HPCAL1: variants seen among roughly 807,000 people sequenced by gnomAD.
HPCAL1 encodes the protein hippocalcin-like protein 1.
HPCAL1 carries 8 observed loss-of-function variants against 17.1 expected under a neutral mutation model. That is an observed-to-expected ratio of 0.47 (90% CI 0.27 to 0.84). HPCAL1 has a LOEUF of 0.84. HPCAL1 is among the 40% of genes least tolerant of loss of function. The pLI, the probability that HPCAL1 is intolerant of heterozygous loss-of-function variation, is 0.13. For missense variants in HPCAL1, 165 were observed against 271.1 expected, an observed-to-expected ratio of 0.61 and a Z score of 2.75; for synonymous variants, 112 against 111.4, an observed-to-expected ratio of 1.01 and a Z score of -0.03.
intron 1 of HPCAL1, among the ~76,000 whole-genome samples, chr2:10,385,090 T>C (rs10754956): frequency 0.54 from 80,152 of 148,724 alleles, 21,921 homozygotes; most frequent in Middle Eastern, 0.63. Context: ...AGAGCAAGAC[T>C]CCGTCTCAAA....
At chr2:10,368,219 G>A (rs375809604) in intron 1 of HPCAL1, among the ~76,000 whole-genome samples, 45 of 150,306 alleles carry the variant, frequency 3.0e-4, no homozygotes, top group East Asian at 2.9e-3. Flanking sequence ...AGGGGTGTGC[G>A]TGTGTACACA....
chr2:10,315,161 C>T (rs1861230), intron 1 of HPCAL1, among the ~76,000 whole-genome samples: 100,927 of 151,770 alleles, frequency 0.67, 34,235 homozygotes, highest in East Asian at 0.88. Context: ...GGCGTGGTGG[C>T]GGGTGCCTGT....
At chr2:10,361,716 ATTT>A (rs199534306) in intron 1 of HPCAL1, among the ~76,000 whole-genome samples, 2 of 142,618 alleles carry the variant, frequency 1.4e-5, no homozygotes, top group Non-Finnish European at 1.5e-5. Context: ...AACTTCTTAA[ATTT>A]TTTTTTTTTT....
At chr2:10,425,973 G>A (rs1671377502) in intron 4 of HPCAL1, 1 of 152,200 alleles carries the variant, frequency 6.6e-6, no homozygotes, top group African/African-American at 2.4e-5. Context: ...GGGCTATAGT[G>A]ACCACAGTGT....
rs1666763470 is a variant in HPCAL1, at chr2:10,365,080, C to T, written c.-110-31755C>T. ...TCAAAATCTCCCAGAGTTCCAGGTG[C>T]TTGGTGGAAGGGATTCATGTACCCC... is the stretch of plus-strand genomic sequence containing the variant. On this transcript the variant is annotated intron_variant, in intron 1 of 4. Transcript: ENST00000307845. The surrounding 1 kb of genome is among the most constrained non-coding windows in gnomAD (Gnocchi z 4.8). 6.6e-6 allele frequency among the ~76,000 whole-genome samples: 1 copy of T among 152,186 alleles called. No individual in the cohort carries two copies. Among genetic ancestry groups the T allele is most frequent in the South Asian group, 2.1e-4 (1 of 4,832 alleles).
chr2:10,379,680 G>A (rs1667820600), intron 1 of HPCAL1, among the ~76,000 whole-genome samples: 1 of 152,136 alleles, frequency 6.6e-6, no homozygotes, highest in South Asian at 2.1e-4. Context: ...TTGGCTAAGG[G>A]TGCAAAACTG....
rs1662900156 is a variant in HPCAL1, at chr2:10,310,694, C to G, written c.-111+7517C>G. Among the ~76,000 whole-genome samples the G allele has an allele frequency of 6.6e-6, 1 of 152,172 alleles. No individual in the cohort carries two copies. The highest frequency in any genetic ancestry group is 2.1e-4 in the South Asian group (1 of 4,832). ...AGGCCCGGAGCTGGTGGTCCCCTCC[C>G]TCTGTGAGTGTGTGCAGAGCATGGA... On this transcript the variant is annotated intron_variant, in intron 1 of 4. Coordinates refer to ENST00000307845, the MANE Select transcript of HPCAL1 (RefSeq NM_002149.4). This position sits in a 1 kb window ranked among gnomAD's most constrained non-coding sequence, Gnocchi z 4.5.
At chr2:10,413,464 C>T (rs1670473730) in intron 2 of HPCAL1, among the ~76,000 whole-genome samples, 1 of 152,260 alleles carries the variant, frequency 6.6e-6, no homozygotes, top group South Asian at 2.1e-4. Flanking sequence ...CACCTTGTGC[C>T]AGGCCCAGCT....
intron 1 of HPCAL1, among the ~76,000 whole-genome samples, chr2:10,380,394 C>T (rs6705540): frequency 0.31 from 46,905 of 151,872 alleles, 10,465 homozygotes; most frequent in African/African-American, 0.61. Context: ...GGTGGGTGTG[C>T]GCTGCTTGTG....
chr2:10,365,354 T>C lies in HPCAL1; in HGVS notation c.-110-31481T>C, dbSNP rs1160584099. Among the ~76,000 whole-genome samples the C allele has an allele frequency of 6.6e-6, 1 of 152,188 alleles. No individual in the cohort carries two copies. ...ATTGCAAGAGCGTGAGCCCCTCCTC[T>C]GGGGCATGTTCTTGGAAATAAATAC... On this transcript the variant is annotated intron_variant, in intron 1 of 4. Coordinates refer to ENST00000307845, the MANE Select transcript of HPCAL1 (RefSeq NM_002149.4). The surrounding 1 kb of genome is among the most constrained non-coding windows in gnomAD (Gnocchi z 4.8).
chr2:10,322,353 C>T (rs1663721149), intron 1 of HPCAL1, among the ~76,000 whole-genome samples: 1 of 152,152 alleles, frequency 6.6e-6, no homozygotes, highest in South Asian at 2.1e-4. Context: ...CAGAGAAGGT[C>T]TCATGAGAAG....
chr2:10,400,120 C>T (rs1669504277), intron 2 of HPCAL1, among the ~76,000 whole-genome samples: 1 of 152,194 alleles, frequency 6.6e-6, no homozygotes, highest in African/African-American at 2.4e-5. Context: ...AGGTCAGGGA[C>T]GGGCGTGCTT....
At chr2:10,399,533 CACCGCCACCATCACCGCCACCACT>C (rs1465635632) in intron 2 of HPCAL1, among the ~76,000 whole-genome samples, 1 of 125,464 alleles carries the variant, frequency 8.0e-6, no homozygotes, top group Admixed American at 7.6e-5. Flanking sequence ...CCGCCACTGC[CACCGCCACCATCACCGCCACCACT>C]ACCGCCACCG....
chr2:10,398,517 T>C (rs376211866), intron 2 of HPCAL1, among the ~76,000 whole-genome samples: 2 of 152,164 alleles, frequency 1.3e-5, no homozygotes, highest in East Asian at 1.9e-4. Flanking sequence ...GGAGGGCAGA[T>C]ACCAGTGGCA....
chr2:10,413,416 A>G (rs1009045076), intron 2 of HPCAL1, among the ~76,000 whole-genome samples: 12 of 152,364 alleles, frequency 7.9e-5, no homozygotes, highest in African/African-American at 2.9e-4. Flanking sequence ...AGCAACTGCA[A>G]CCACAGCAAG....
At chr2:10,402,421 T>C (rs1454956406) in intron 2 of HPCAL1, among the ~76,000 whole-genome samples, 1 of 152,130 alleles carries the variant, frequency 6.6e-6, no homozygotes, top group African/African-American at 2.4e-5. Context: ...TGGCCTCTGG[T>C]GCTGTGATTT....
intron 2 of HPCAL1, among the ~76,000 whole-genome samples, chr2:10,413,624 A>G (rs1040539135): frequency 1.3e-5 from 2 of 152,098 alleles, no homozygotes; most frequent in Non-Finnish European, 2.9e-5. Flanking sequence ...ACCATGATGC[A>G]CTCCGCCTGT....
chr2:10,332,458 TC>T (rs1222623302), intron 1 of HPCAL1, among the ~76,000 whole-genome samples: 1 of 151,860 alleles, frequency 6.6e-6, no homozygotes, highest in Non-Finnish European at 1.5e-5. Flanking sequence ...CTGCCCCTTA[TC>T]TAGAACAGCT....
At chr2:10,399,250 CCACCACCACCAT>C (rs1572815755) in intron 2 of HPCAL1, among the ~76,000 whole-genome samples, 19 of 69,264 alleles carry the variant, frequency 2.7e-4, no homozygotes, top group African/African-American at 7.4e-4. Context: ...ATCACCACCA[CCACCACCACCAT>C]CACCACCACC....
Sources: gnomAD v4.1 joint callset for allele counts (sites outside exome capture counted in the v4.1 genomes callset) on GRCh38, gnomAD v4.1.1 for gene constraint, Gnocchi (gnomAD v3.1) non-coding constraint, MANE v1.5 for transcripts, NCBI Gene and HGNC (gene_info 2026-07-23, HGNC 2026-07-21) for gene names.